DOCK3: variants seen among roughly 807,000 people sequenced by gnomAD.
The protein encoded by DOCK3 is dedicator of cytokinesis 3.
In DOCK3, 60 loss-of-function variants were observed where a neutral mutation model predicts 265.6. That is an observed-to-expected ratio of 0.23 (90% CI 0.18 to 0.28). DOCK3 has a LOEUF of 0.28. DOCK3 is among the 10% of genes least tolerant of loss of function. DOCK3 has a pLI of 1.00. For synonymous variants in DOCK3, 881 were observed against 938.0 expected (o/e 0.94, Z 1.11); for missense variants, 1,981 against 2,594.3 (o/e 0.76, Z 5.14).
intron 5 of DOCK3, among the ~76,000 whole-genome samples, chr3:51,055,746 A>C (rs1251971897): frequency 1.2e-5 from 1 of 80,290 alleles, no homozygotes; most frequent in Non-Finnish European, 3.3e-5. Context: ...CTCCATTGTC[A>C]TATCTCTAAT....
At chr3:51,222,502 CA>C (rs2090145118) in intron 14 of DOCK3, among the ~76,000 whole-genome samples, 1 of 152,198 alleles carries the variant, frequency 6.6e-6, no homozygotes, top group African/African-American at 2.4e-5. Context: ...GAGATTTTGA[CA>C]AGAAGCCTCT....
chr3:51,349,190 G>A (rs916843244), intron 39 of DOCK3, among the ~76,000 whole-genome samples: 1 of 152,076 alleles, frequency 6.6e-6, no homozygotes, highest in Admixed American at 6.6e-5. Flanking sequence ...AGGATAGGAT[G>A]GTGGTTTCAA....
chr3:50,767,295 A>G (rs1037350528), intron 1 of DOCK3, among the ~76,000 whole-genome samples: 3 of 152,126 alleles, frequency 2.0e-5, no homozygotes, highest in African/African-American at 4.8e-5. Flanking sequence ...TAATTTTTGT[A>G]TAAGTTGTAA....
chr3:50,833,531 C>T (rs1438931312), intron 2 of DOCK3, among the ~76,000 whole-genome samples: 3 of 152,116 alleles, frequency 2.0e-5, no homozygotes, highest in Non-Finnish European at 4.4e-5. Flanking sequence ...TGGGTTTGTA[C>T]CCTCAAATAC....
rs555675742 is a variant in DOCK3, at chr3:50,906,129, G to C, written c.218+16048G>C. Among the ~76,000 whole-genome samples, 11 of 152,136 alleles carry C rather than the reference G, an allele frequency of 7.2e-5. No homozygotes were observed. In the South Asian group the frequency reaches 2.3e-3, roughly 32 times the overall value. On this transcript the variant is annotated intron_variant, in intron 4 of 52. Coordinates refer to ENST00000266037, the MANE Select transcript of DOCK3 (RefSeq NM_004947.5). ...AGATAAAGCCCACTTGATCATTTTG[G>C]ATAAGCTTTTTGATGTGCTGCTGGA...
chr3:50,947,445 A>C (rs2108285477), intron 5 of DOCK3, among the ~76,000 whole-genome samples: 1 of 152,262 alleles, frequency 6.6e-6, no homozygotes, highest in South Asian at 2.1e-4. Flanking sequence ...AGGAGAAATA[A>C]TTTATCAGGG....
At chr3:50,922,709 TC>T (rs2050555122) in intron 4 of DOCK3, among the ~76,000 whole-genome samples, 1 of 152,152 alleles carries the variant, frequency 6.6e-6, no homozygotes, top group African/African-American at 2.4e-5. Flanking sequence ...TGTTTTTTGT[TC>T]TTGTCAATTC....
chr3:51,323,635 A>G (rs553040331), intron 32 of DOCK3, among the ~76,000 whole-genome samples: 1 of 152,336 alleles, frequency 6.6e-6, no homozygotes, highest in East Asian at 1.9e-4. Context: ...TTTGAAACCA[A>G]TGAGAACAAA....
intron 1 of DOCK3, among the ~76,000 whole-genome samples, chr3:50,737,297 G>C (rs554452378): frequency 3.9e-5 from 6 of 152,298 alleles, no homozygotes; most frequent in African/African-American, 9.6e-5. Context: ...GCAGGAGCAG[G>C]CATCTTAAAT....
At chr3:50,780,855 T>C (rs534422332) in intron 2 of DOCK3, among the ~76,000 whole-genome samples, 1 of 152,278 alleles carries the variant, frequency 6.6e-6, no homozygotes, top group African/African-American at 2.4e-5. Context: ...TCCAGTATCC[T>C]TCATTCAGGT....
At chr3:50,796,279 C>T (rs1305734784) in intron 2 of DOCK3, among the ~76,000 whole-genome samples, 2 of 152,064 alleles carry the variant, frequency 1.3e-5, no homozygotes, top group Non-Finnish European at 2.9e-5. Flanking sequence ...GATCCGCCCC[C>T]CTCGGCCTCC....
intron 4 of DOCK3, among the ~76,000 whole-genome samples, chr3:50,896,966 G>A (rs886825035): frequency 1.3e-5 from 2 of 152,024 alleles, no homozygotes; most frequent in Non-Finnish European, 2.9e-5. Context: ...TTGGCTATAC[G>A]GGCTCTTTTG....
intron 5 of DOCK3, among the ~76,000 whole-genome samples, chr3:50,995,903 GC>G (rs2078263835): frequency 6.6e-6 from 1 of 151,932 alleles, no homozygotes; most frequent in African/African-American, 2.4e-5. Context: ...CTCCTTTTTG[GC>G]GGGGGCGGAG....
At position 51,159,290 on chromosome 3, in the gene DOCK3, A is replaced by G. The variant is rs1382427329; in HGVS notation, c.875A>G (p.His292Arg). ...DMKRDLYIVA[H>R]VIRIGRMLLN... ...AAGAGAGATTTGTATATCGTTGCCCATGTGATCCGAATAGGTACTGTTCAC... is the reference window on the plus strand; with the variant it reads ...AAGAGAGATTTGTATATCGTTGCCCGTGTGATCCGAATAGGTACTGTTCAC... The change falls in exon 11 of 53, where the codon CAT (histidine) becomes CGT (arginine). Residue 292 changes from histidine (H) to arginine (R), a missense_variant. By Grantham distance (29) the His-to-Arg change is conservative. Transcript: ENST00000266037. 1.9e-6 allele frequency: 3 copies of G among 1,613,422 alleles called. No homozygotes were observed. The African/African-American group carries it at 4.0e-5, about 22-fold the overall frequency.
intron 5 of DOCK3, among the ~76,000 whole-genome samples, chr3:51,010,998 C>T (rs1033549691): frequency 2.6e-5 from 4 of 152,212 alleles, no homozygotes; most frequent in Admixed American, 2.0e-4. Context: ...CACTGTTAGT[C>T]TGACGGGCTT....
intron 3 of DOCK3, among the ~76,000 whole-genome samples, chr3:50,846,836 C>T (rs1426677147): frequency 2.0e-5 from 3 of 151,980 alleles, no homozygotes; most frequent in Non-Finnish European, 2.9e-5. Flanking sequence ...GAGGATCTTT[C>T]GTATTTGTGT....
chr3:51,213,377 G>C (rs1046641257), intron 13 of DOCK3, among the ~76,000 whole-genome samples: 4 of 152,086 alleles, frequency 2.6e-5, no homozygotes, highest in Admixed American at 6.5e-5. Flanking sequence ...GCTGCAGCGG[G>C]GACCCTCAGG....
intron 5 of DOCK3, among the ~76,000 whole-genome samples, chr3:51,013,384 G>C (rs904774732): frequency 3.9e-5 from 6 of 152,166 alleles, no homozygotes; most frequent in Non-Finnish European, 8.8e-5. Context: ...CTGTTTGTTA[G>C]TTTTCCTTAT....
chr3:51,357,519 C>T (rs182982368), intron 44 of DOCK3, among the ~76,000 whole-genome samples: 4 of 152,176 alleles, frequency 2.6e-5, no homozygotes, highest in Non-Finnish European at 5.9e-5. Context: ...GCCATCCAGG[C>T]TCCATGAGGG....
Sources: allele counts gnomAD v4.1 joint callset (sites outside exome capture counted in the v4.1 genomes callset), GRCh38; gene constraint gnomAD v4.1.1; transcripts MANE v1.5; gene names NCBI Gene and HGNC (gene_info 2026-07-23, HGNC 2026-07-21).